C9: variants seen among roughly 807,000 people sequenced by gnomAD.
C9 encodes the protein complement C9, also known as complement component C9.
In C9, 63 loss-of-function variants were observed where a neutral mutation model predicts 65.4. The observed-to-expected ratio is 0.96, with a 90% CI of 0.79 to 1.19. The LOEUF is 1.19. C9 is among the 50% of genes most tolerant of loss of function. The pLI is 0.00. For missense variants in C9, 744 were observed against 670.1 expected (o/e 1.11, Z -1.22); for synonymous variants, 229 against 227.9 (o/e 1.00, Z -0.04).
chr5:39,323,359 G>T (rs1753695276), intron 5 of C9, among the ~76,000 whole-genome samples: 1 of 151,510 alleles, frequency 6.6e-6, no homozygotes, highest in Non-Finnish European at 1.5e-5. Flanking sequence ...CAAGAACACT[G>T]CAAGAAAAGA....
chr5:39,334,332 T>A (rs1340267845), intron 4 of C9, among the ~76,000 whole-genome samples: 1 of 149,070 alleles, frequency 6.7e-6, no homozygotes, highest in Non-Finnish European at 1.5e-5. Flanking sequence ...GGAGCGTCTC[T>A]GCCCGGCCGC....
At chr5:39,356,692 A>T in intron 1 of C9, among the ~76,000 whole-genome samples, 1 of 152,252 alleles carries the variant, frequency 6.6e-6, no homozygotes, top group East Asian at 1.9e-4. Context: ...GTCATGCAAA[A>T]AGAATATATT....
intron 7 of C9, 41 bp from the exon 8 acceptor site, chr5:39,308,399 A>G (rs1305461076): frequency 2.0e-6 from 3 of 1,466,092 alleles, no homozygotes; most frequent in Admixed American, 3.4e-5. Flanking sequence ...GATAATGTCT[A>G]CCAACATCAC....
At chr5:39,297,311 G>A (rs184713525) in intron 9 of C9, among the ~76,000 whole-genome samples, 14 of 151,184 alleles carry the variant, frequency 9.3e-5, no homozygotes, top group East Asian at 3.9e-4. Flanking sequence ...AAGAAATGTC[G>A]GAAATGAGCA....
intron 6 of C9, 142 bp from the exon 7 acceptor site, chr5:39,311,519 TAAATGTA>T: frequency 8.2e-6 from 6 of 735,110 alleles, no homozygotes; most frequent in Non-Finnish European, 1.2e-5. Context: ...CCAGAAGGGC[TAAATGTA>T]AAATACTATC....
In C9 at chr5:39,315,911, G is replaced by T. The variant is rs763685618; in HGVS notation, c.734C>A (p.Pro245His). The change falls in exon 6 of 11, where the codon CCC becomes CAC. Residue 245 changes from proline to histidine, a missense_variant. By Grantham distance (77) the Pro-to-His change is moderately conservative. Transcript: ENST00000263408. ...TTGTTCAGCTTTATTTGTTTCAGTG[G>T]GTGTAAATTTTAGAGATATAGCTGC... ...FNAAISLKFTPTETNKAEQCC... is the reference protein window; with the variant it reads ...FNAAISLKFTHTETNKAEQCC... The T allele has an allele frequency of 6.2e-7, 1 of 1,612,488 alleles. No individual in the cohort carries two copies. Among genetic ancestry groups the T allele is most frequent in the Admixed American group, 1.7e-5 (1 of 59,986 alleles).
At chr5:39,361,189 G>A (rs1479055535) in intron 1 of C9, among the ~76,000 whole-genome samples, 1 of 151,952 alleles carries the variant, frequency 6.6e-6, no homozygotes, top group East Asian at 1.9e-4. Flanking sequence ...GACTGGGAGA[G>A]AATAAGATTA....
At chr5:39,298,603 A>C (rs1040478071) in intron 9 of C9, among the ~76,000 whole-genome samples, 1 of 151,698 alleles carries the variant, frequency 6.6e-6, no homozygotes, top group Non-Finnish European at 1.5e-5. Flanking sequence ...TAAATAATTG[A>C]ATTTAGAGTT....
intron 1 of C9, among the ~76,000 whole-genome samples, chr5:39,344,378 C>T (rs1327118449): frequency 6.6e-6 from 1 of 152,138 alleles, no homozygotes; most frequent in African/African-American, 2.4e-5. Context: ...GATGAATGCA[C>T]AAGCTTCAGT....
At position 39,308,359 on chromosome 5, in the gene C9, C is replaced by G; in HGVS notation, c.1112-1G>C. On this transcript the variant is annotated splice_acceptor_variant, in intron 7 of 10. Coordinates refer to ENST00000263408, the MANE Select transcript of C9 (RefSeq NM_001737.5). LOFTEE classifies it high-confidence loss of function. The stretch of plus-strand genomic sequence containing the variant: ...CTCTTTATGTCTTTTAGTTCAACAC[C>G]TGTTTAATGAATTTATTTGAAAATT... 6.3e-7 allele frequency: 1 copy of G among 1,579,682 alleles called. No individual in the cohort carries two copies. Among genetic ancestry groups the G allele is most frequent in the Non-Finnish European group, 8.7e-7 (1 of 1,148,868 alleles).
intron 1 of C9, among the ~76,000 whole-genome samples, chr5:39,350,257 C>A (rs1754297925): frequency 6.6e-6 from 1 of 152,116 alleles, no homozygotes; most frequent in Non-Finnish European, 1.5e-5. Flanking sequence ...GAAGTCCAGC[C>A]CCACGATTTA....
At chr5:39,327,559 T>C (rs1338671325) in intron 5 of C9, among the ~76,000 whole-genome samples, 2 of 152,164 alleles carry the variant, frequency 1.3e-5, no homozygotes, top group Non-Finnish European at 2.9e-5. Context: ...TTATTTCCAC[T>C]TACCAAGACA....
At chr5:39,285,463 GA>G (rs1323041605) in intron 10 of C9, among the ~76,000 whole-genome samples, 9 of 152,116 alleles carry the variant, frequency 5.9e-5, no homozygotes, top group South Asian at 2.1e-4. Context: ...AAAACAGAGG[GA>G]AAGTTCTCAG....
intron 1 of C9, among the ~76,000 whole-genome samples, chr5:39,345,507 A>G (rs1754174881): frequency 6.6e-6 from 1 of 152,232 alleles, no homozygotes. Context: ...ATACAGGAGC[A>G]CCCAGATTCA....
At chr5:39,343,896 T>TGATACCCAGCAAACACGGTCTG (rs376160181) in intron 1 of C9, among the ~76,000 whole-genome samples, 11,325 of 152,086 alleles carry the variant, frequency 0.074, 833 homozygotes, top group African/African-American at 0.19. Context: ...CCTCCGCCAC[T>TGATACCCAGCAAACACGGTCTG]GATACCCAGC....
At chr5:39,300,325 T>C (rs1252669108) in intron 9 of C9, among the ~76,000 whole-genome samples, 1 of 152,100 alleles carries the variant, frequency 6.6e-6, no homozygotes, top group Admixed American at 6.6e-5. Context: ...GGCAGAAGAA[T>C]CCTTTGAAGC....
At chr5:39,325,420 T>A (rs1207041898) in intron 5 of C9, among the ~76,000 whole-genome samples, 1 of 152,194 alleles carries the variant, frequency 6.6e-6, no homozygotes, top group Non-Finnish European at 1.5e-5. Context: ...AGGACTTCAG[T>A]CTCTATGTTC....
rs542966702 is a variant in C9 at position 39,353,840 on chromosome 5, A to G, written c.77+10548T>C. On this transcript the variant is annotated intron_variant, in intron 1 of 10. Transcript: ENST00000263408. ...TTGAATATCAAATACCTGAAACATAATAGGTACTCAGGAAGGGTTTTTTTT... is the reference window on the plus strand; with the variant it reads ...TTGAATATCAAATACCTGAAACATAGTAGGTACTCAGGAAGGGTTTTTTTT... 4.4e-4 allele frequency among the ~76,000 whole-genome samples: 67 copies of G among 152,212 alleles called. 1 individual carries two copies. The South Asian group carries it at 0.012, about 27-fold the overall frequency.
intron 9 of C9, among the ~76,000 whole-genome samples, chr5:39,295,966 A>G (rs1193437765): frequency 1.3e-5 from 2 of 151,788 alleles, no homozygotes; most frequent in Non-Finnish European, 3.0e-5. Context: ...GTGCTAGGAA[A>G]AACTGATTGT....
Sources: gnomAD v4.1 joint callset for allele counts (sites outside exome capture counted in the v4.1 genomes callset) on GRCh38, gnomAD v4.1.1 for gene constraint, MANE v1.5 for transcripts, NCBI Gene and HGNC (gene_info 2026-07-23, HGNC 2026-07-21) for gene names.